Variants in PLCL1 observed in about 807,000 individuals in gnomAD.
The protein encoded by PLCL1 is inactive phospholipase C-like protein 1.
Under a neutral mutation model 84.4 loss-of-function variants are expected in PLCL1, and 41 were observed. That is an observed-to-expected ratio of 0.49 (90% confidence interval 0.38 to 0.63). The LOEUF (loss-of-function observed/expected upper bound fraction) is 0.63. Ranked by LOEUF, PLCL1 falls within the 30% of genes least tolerant of loss-of-function variation. The probability of loss-of-function intolerance (pLI) is 0.00; values close to 1 mark genes in which losing one functional copy is unlikely to be tolerated. For missense variants in PLCL1, 1,206 were observed against 1,367.8 expected (o/e 0.88, Z 1.87); for synonymous variants, 490 against 488.3 (o/e 1.00, Z -0.05).
chr2:198,059,391 G>T (rs1041149320), intron 1 of PLCL1, among the ~76,000 whole-genome samples: 2 of 152,034 alleles, frequency 1.3e-5, no homozygotes, highest in African/African-American at 4.8e-5. Flanking sequence ...ACATCTGTTT[G>T]GTTTCTGTAT....
chr2:197,970,380 G>A (rs764365144), intron 1 of PLCL1, among the ~76,000 whole-genome samples: 3 of 152,126 alleles, frequency 2.0e-5, no homozygotes, highest in Non-Finnish European at 4.4e-5. Flanking sequence ...CCTCTTAAAG[G>A]TGCCACCTCT....
chr2:198,032,380 C>CTT (rs906481372), intron 1 of PLCL1, among the ~76,000 whole-genome samples: 2 of 152,014 alleles, frequency 1.3e-5, no homozygotes, highest in Non-Finnish European at 2.9e-5. Context: ...TTAATTAAAG[C>CTT]TTCTGTTTGT....
chr2:197,872,290 G>A (rs1388360374), intron 1 of PLCL1, among the ~76,000 whole-genome samples: 1 of 152,048 alleles, frequency 6.6e-6, no homozygotes, highest in Non-Finnish European at 1.5e-5. Flanking sequence ...AGCCAAATCA[G>A]CACAATACCA....
intron 5 of PLCL1, among the ~76,000 whole-genome samples, chr2:198,138,714 G>C (rs1221709002): frequency 6.6e-6 from 1 of 152,066 alleles, no homozygotes; most frequent in Non-Finnish European, 1.5e-5. Flanking sequence ...AGTAATATTG[G>C]AACAAATTGG....
intron 5 of PLCL1, among the ~76,000 whole-genome samples, chr2:198,142,850 A>G (rs1373139368): frequency 6.6e-6 from 1 of 150,836 alleles, no homozygotes; most frequent in Non-Finnish European, 1.5e-5. Context: ...TCAAATCCCC[A>G]TGAGATTGCT....
Position 198,084,565 on chromosome 2 carries a change from G to A in PLCL1, c.1048G>A (p.Glu350Lys), listed in dbSNP as rs1280461125. ...EAEQGVTHIT[E>K]DICLDIIRRY... is the part of the protein sequence containing the mutation. Reference sequence around the variant, plus strand: ...TGAGCAAGGAGTCACCCATATCACCGAGGATATATGCTTAGACATCATAAG... The same window carrying A: ...TGAGCAAGGAGTCACCCATATCACCAAGGATATATGCTTAGACATCATAAG... Residue 350 changes from glutamate (E) to lysine (K), a missense_variant, in exon 2 of 6, where the codon GAG becomes AAG. By Grantham distance (56) the Glu-to-Lys change is moderately conservative. Coordinates refer to ENST00000428675, the MANE Select transcript of PLCL1 (RefSeq NM_006226.4). 2.5e-6 allele frequency: 4 copies of A among 1,613,198 alleles called. No individual in the cohort carries two copies. The highest frequency in any genetic ancestry group is 2.5e-6 in the Non-Finnish European group (3 of 1,179,298).
chr2:197,835,557 C>T (rs1196495748), intron 1 of PLCL1, among the ~76,000 whole-genome samples: 1 of 152,150 alleles, frequency 6.6e-6, no homozygotes, highest in Admixed American at 6.5e-5. Flanking sequence ...TTGATATCCA[C>T]TATTAATAGG....
chr2:197,903,468 A>ATT (rs3056105), intron 1 of PLCL1, among the ~76,000 whole-genome samples: 921 of 47,788 alleles, frequency 0.019, 162 homozygotes, highest in African/African-American at 0.06. Flanking sequence ...CTCCATTTAA[A>ATT]TTTTTTTTTT....
At chr2:197,824,667 T>A (rs1056877003) in intron 1 of PLCL1, among the ~76,000 whole-genome samples, 2 of 150,426 alleles carry the variant, frequency 1.3e-5, no homozygotes, top group Admixed American at 6.6e-5. Flanking sequence ...TGAGCTATGA[T>A]TGTGCCACTG....
At chr2:197,810,443 A>G (rs747239296) in intron 1 of PLCL1, 12 of 369,728 alleles carry the variant, frequency 3.2e-5, no homozygotes, top group Non-Finnish European at 5.7e-5. Flanking sequence ...TAAGGCTAAA[A>G]AAAGTGTAAG....
chr2:197,964,113 G>T (rs1440800397), intron 1 of PLCL1, among the ~76,000 whole-genome samples: 1 of 151,946 alleles, frequency 6.6e-6, no homozygotes, highest in Non-Finnish European at 1.5e-5. Context: ...ATAAATTTTA[G>T]GATTGTTTTC....
chr2:198,107,609 G>T (rs1395671467), intron 5 of PLCL1, among the ~76,000 whole-genome samples: 1 of 151,934 alleles, frequency 6.6e-6, no homozygotes, highest in Non-Finnish European at 1.5e-5. Context: ...ATGGAGAAAT[G>T]AGGTTTTTGT....
chr2:198,007,659 A>G (rs1018003714), intron 1 of PLCL1, among the ~76,000 whole-genome samples: 3 of 152,170 alleles, frequency 2.0e-5, no homozygotes, highest in Non-Finnish European at 2.9e-5. Context: ...GGTCAGTTAC[A>G]TCAACTTCAT....
chr2:197,878,912 C>A (rs1413700888), intron 1 of PLCL1, among the ~76,000 whole-genome samples: 1 of 152,194 alleles, frequency 6.6e-6, no homozygotes, highest in Non-Finnish European at 1.5e-5. Flanking sequence ...TTGGCCCATG[C>A]AGTGCTTTTA....
intron 1 of PLCL1, among the ~76,000 whole-genome samples, chr2:197,875,833 C>T (rs979164999): frequency 1.3e-5 from 2 of 151,914 alleles, no homozygotes; most frequent in Non-Finnish European, 2.9e-5. Flanking sequence ...TTTATTAGTT[C>T]TTGTTCCCAG....
At chr2:198,020,228 C>G (rs565199136) in intron 1 of PLCL1, among the ~76,000 whole-genome samples, 1 of 152,232 alleles carries the variant, frequency 6.6e-6, no homozygotes, top group Non-Finnish European at 1.5e-5. Context: ...TACAAGAGCT[C>G]CTGAAGGAAG....
At chr2:198,051,644 C>T (rs1691933819) in intron 1 of PLCL1, among the ~76,000 whole-genome samples, 2 of 152,128 alleles carry the variant, frequency 1.3e-5, no homozygotes, top group Admixed American at 1.3e-4. Context: ...AACTTTATGC[C>T]CAAATTTTCC....
intron 1 of PLCL1, among the ~76,000 whole-genome samples, chr2:197,809,809 AGTGTGT>A (rs3056067): frequency 6.2e-4 from 91 of 146,628 alleles, no homozygotes; most frequent in Middle Eastern, 3.4e-3. Context: ...GAGCTCTGAA[AGTGTGT>A]GTGTGTGTGT....
chr2:197,878,253 G>A (rs1378706709), intron 1 of PLCL1, among the ~76,000 whole-genome samples: 1 of 152,136 alleles, frequency 6.6e-6, no homozygotes, highest in African/African-American at 2.4e-5. Context: ...TAGATCAGAA[G>A]TTTGGACATT....
Sources: gnomAD v4.1 joint callset for allele counts (sites outside exome capture counted in the v4.1 genomes callset) on GRCh38, gnomAD v4.1.1 for gene constraint, MANE v1.5 for transcripts, NCBI Gene and HGNC (gene_info 2026-07-23, HGNC 2026-07-21) for gene names.